SLC10A7: variants seen among roughly 807,000 people sequenced by gnomAD.
The protein encoded by SLC10A7 is sodium/bile acid cotransporter 7.
In SLC10A7, 29 loss-of-function variants were observed where a neutral mutation model predicts 43.2. The observed-to-expected ratio is 0.67, with a 90% CI of 0.50 to 0.92. The LOEUF (loss-of-function observed/expected upper bound fraction) is 0.92, where lower values mean the gene tolerates loss of function less well. SLC10A7 is among the 40% of genes least tolerant of loss of function. SLC10A7 has a pLI of 0.00. For missense variants in SLC10A7, 295 were observed against 403.2 expected (o/e 0.73, Z 2.30); for synonymous variants, 152 against 144.8 (o/e 1.05, Z -0.35).
chr4:146,350,473 C>T (rs892719451), intron 5 of SLC10A7, among the ~76,000 whole-genome samples: 1 of 141,194 alleles, frequency 7.1e-6, no homozygotes, highest in Non-Finnish European at 1.5e-5. Context: ...CCGCCATTGC[C>T]CAGGCTTGCT....
intron 5 of SLC10A7, among the ~76,000 whole-genome samples, chr4:146,349,148 T>G (rs906226935): frequency 6.6e-6 from 1 of 152,166 alleles, no homozygotes; most frequent in African/African-American, 2.4e-5. Flanking sequence ...TTTAAACACA[T>G]TACAATTAGA....
chr4:146,500,545 A>C (rs1736304795), intron 4 of SLC10A7, among the ~76,000 whole-genome samples: 1 of 152,102 alleles, frequency 6.6e-6, no homozygotes, highest in African/African-American at 2.4e-5. Flanking sequence ...ACAGTCATAC[A>C]ACTCAATACC....
chr4:146,267,858 G>T lies in SLC10A7; in HGVS notation c.848-9021C>A, dbSNP rs1054918327. Among the ~76,000 whole-genome samples, 11 of 152,282 alleles carry T rather than the reference G, an allele frequency of 7.2e-5. No individual in the cohort carries two copies. In the East Asian group the frequency reaches 1.5e-3, roughly 21 times the overall value. On this transcript the variant is annotated intron_variant, in intron 10 of 11. Transcript: ENST00000335472. ...GGATTTCCAAATTGCTAAATAGAAA[G>T]CCAACAGCAGCGCCTCTGGGATGTC...
At chr4:146,463,591 C>T (rs766682609) in intron 4 of SLC10A7, among the ~76,000 whole-genome samples, 23 of 151,722 alleles carry the variant, frequency 1.5e-4, no homozygotes, top group Non-Finnish European at 7.4e-5. Flanking sequence ...AAATTAAAAA[C>T]GTAGCCAGGT....
At chr4:146,305,139 G>T (rs1362459969) in intron 7 of SLC10A7, among the ~76,000 whole-genome samples, 2 of 150,390 alleles carry the variant, frequency 1.3e-5, no homozygotes, top group African/African-American at 2.5e-5. Flanking sequence ...TGTTTATTGC[G>T]ACATTATTCA....
intron 5 of SLC10A7, among the ~76,000 whole-genome samples, chr4:146,435,825 T>C (rs535822538): frequency 2.8e-4 from 42 of 152,256 alleles, no homozygotes; most frequent in Admixed American, 1.3e-3. Flanking sequence ...TAGGAGGTCC[T>C]TTACAAACAT....
chr4:146,447,663 C>T (rs576926040), intron 4 of SLC10A7, among the ~76,000 whole-genome samples: 19 of 150,408 alleles, frequency 1.3e-4, no homozygotes, highest in African/African-American at 4.4e-4. Context: ...TAGATCAATC[C>T]TAGCTAAAAA....
chr4:146,431,906 T>C (rs1579170449), intron 5 of SLC10A7, among the ~76,000 whole-genome samples: 1 of 152,334 alleles, frequency 6.6e-6, no homozygotes, highest in Admixed American at 6.5e-5. Context: ...GATAAATGAC[T>C]GGTGTCCAAA....
chr4:146,481,285 A>G (rs1734452196), intron 4 of SLC10A7, among the ~76,000 whole-genome samples: 1 of 152,138 alleles, frequency 6.6e-6, no homozygotes, highest in South Asian at 2.1e-4. Context: ...CTGGCACATA[A>G]TGAGTGCCCC....
chr4:146,275,902 A>T (rs1729175821), intron 10 of SLC10A7, among the ~76,000 whole-genome samples: 1 of 151,952 alleles, frequency 6.6e-6, no homozygotes, highest in East Asian at 1.9e-4. Flanking sequence ...AGCACCTTGC[A>T]TGAGAGGGTC....
intron 5 of SLC10A7, among the ~76,000 whole-genome samples, chr4:146,431,799 C>A (rs1729796958): frequency 1.3e-5 from 2 of 151,792 alleles, no homozygotes; most frequent in Admixed American, 1.3e-4. Context: ...CTAGATTTAT[C>A]AAAAATTTTG....
intron 5 of SLC10A7, among the ~76,000 whole-genome samples, chr4:146,389,182 G>A (rs1738236615): frequency 6.6e-6 from 1 of 152,024 alleles, no homozygotes; most frequent in Admixed American, 6.5e-5. Flanking sequence ...GTGGAAGGAG[G>A]GTGAGGGTTG....
At chr4:146,308,524 T>A (rs1481270149) in intron 6 of SLC10A7, among the ~76,000 whole-genome samples, 1 of 152,026 alleles carries the variant, frequency 6.6e-6, no homozygotes, top group Admixed American at 6.6e-5. Flanking sequence ...CAGAAGAAAA[T>A]AAGCTGCTTG....
intron 4 of SLC10A7, among the ~76,000 whole-genome samples, chr4:146,499,611 T>C (rs1399044851): frequency 1.3e-5 from 2 of 152,220 alleles, no homozygotes; most frequent in Non-Finnish European, 2.9e-5. Context: ...AGTCTACTCA[T>C]TTCATATCAG....
chr4:146,503,022 T>C (rs1736560498), intron 4 of SLC10A7, among the ~76,000 whole-genome samples: 2 of 152,344 alleles, frequency 1.3e-5, no homozygotes, highest in East Asian at 3.9e-4. Flanking sequence ...GTTTATACAG[T>C]TGGTTATATG....
In SLC10A7 at chr4:146,511,535, C is replaced by T. The variant is rs531265966; in HGVS notation, c.184-1486G>A. 2.7e-4 allele frequency among the ~76,000 whole-genome samples: 41 copies of T among 152,310 alleles called. 1 individual carries two copies. The South Asian group carries it at 8.1e-3, about 30-fold the overall frequency. ...AACAGTACGTTAATGCAGACTCATT[C>T]GCTCATCACCACATTCTGAGATTAG... is the stretch of plus-strand genomic sequence containing the variant. On this transcript the variant is annotated intron_variant, in intron 2 of 11. Transcript: ENST00000335472.
chr4:146,271,621 A>G (rs950502708), intron 10 of SLC10A7, among the ~76,000 whole-genome samples: 6 of 152,098 alleles, frequency 3.9e-5, no homozygotes, highest in Non-Finnish European at 7.4e-5. Context: ...TCCCTCATCA[A>G]TTCAAAACCC....
At chr4:146,444,291 A>G (rs983719114) in intron 4 of SLC10A7, among the ~76,000 whole-genome samples, 4 of 152,160 alleles carry the variant, frequency 2.6e-5, no homozygotes, top group African/African-American at 9.7e-5. Context: ...AAACAGAATT[A>G]CTTCCTTTTA....
At chr4:146,368,078 T>A (rs907076083) in intron 5 of SLC10A7, among the ~76,000 whole-genome samples, 1 of 152,202 alleles carries the variant, frequency 6.6e-6, no homozygotes, top group Non-Finnish European at 1.5e-5. Flanking sequence ...CAGCTCAGAA[T>A]TAACACTGCC....
Sources: allele counts gnomAD v4.1 joint callset (sites outside exome capture counted in the v4.1 genomes callset), GRCh38; gene constraint gnomAD v4.1.1; transcripts MANE v1.5; gene names NCBI Gene and HGNC (gene_info 2026-07-23, HGNC 2026-07-21).